The following MECOM variants were observed in gnomAD, a reference collection of about 807,000 sequenced individuals.
MECOM encodes histone-lysine N-methyltransferase MECOM.
A neutral mutation model predicts 116.3 loss-of-function variants in MECOM; 13 were observed. The ratio of observed to expected loss-of-function variants is 0.11; its 90% confidence interval spans 0.07 to 0.18. The LOEUF is 0.18. MECOM is among the 10% of genes least tolerant of loss of function. The pLI is 1.00. For missense variants in MECOM, 1,299 were observed against 1,509.0 expected, an observed-to-expected ratio of 0.86 and a Z score of 2.31; for synonymous variants, 528 against 535.2, an observed-to-expected ratio of 0.99 and a Z score of 0.19.
intron 2 of MECOM, among the ~76,000 whole-genome samples, chr3:169,194,681 G>C (rs1291334073): frequency 1.3e-5 from 2 of 151,984 alleles, no homozygotes; most frequent in African/African-American, 4.8e-5. Context: ...ACTAAATGCA[G>C]TTGAGTGTTA....
chr3:169,382,232 G>C (rs767874942), intron 1 of MECOM, among the ~76,000 whole-genome samples: 3 of 152,070 alleles, frequency 2.0e-5, no homozygotes, highest in Non-Finnish European at 4.4e-5. Context: ...GGAGAGGAAG[G>C]GTCCCTTGAG....
chr3:169,319,907 A>G (rs1373508045), intron 2 of MECOM, among the ~76,000 whole-genome samples: 1 of 152,252 alleles, frequency 6.6e-6, no homozygotes, highest in Non-Finnish European at 1.5e-5. Context: ...TTTCAAATGT[A>G]TAGCATCTTA....
chr3:169,544,741 G>A (rs1760505722), intron 1 of MECOM, among the ~76,000 whole-genome samples: 1 of 152,160 alleles, frequency 6.6e-6, no homozygotes, highest in Admixed American at 6.5e-5. Flanking sequence ...GAAACTGGAA[G>A]CTATCATCTT....
At chr3:169,489,746 A>G (rs976850683) in intron 1 of MECOM, among the ~76,000 whole-genome samples, 5 of 152,232 alleles carry the variant, frequency 3.3e-5, no homozygotes, top group Admixed American at 6.5e-5. Flanking sequence ...TTAAATTTCA[A>G]ATAAATACCT....
chr3:169,388,292 A>G (rs1307527283), intron 1 of MECOM, among the ~76,000 whole-genome samples: 3 of 152,230 alleles, frequency 2.0e-5, no homozygotes, highest in Non-Finnish European at 2.9e-5. Context: ...CAGAGCAGTT[A>G]CAGAGGCTTG....
At chr3:169,316,560 A>AC (rs1193208126) in intron 2 of MECOM, among the ~76,000 whole-genome samples, 1 of 152,052 alleles carries the variant, frequency 6.6e-6, no homozygotes, top group Non-Finnish European at 1.5e-5. Flanking sequence ...AAGAAAATAT[A>AC]CTTTTTTTAA....
At chr3:169,163,167 T>C (rs1208079636) in intron 2 of MECOM, among the ~76,000 whole-genome samples, 1 of 152,196 alleles carries the variant, frequency 6.6e-6, no homozygotes, top group Non-Finnish European at 1.5e-5. Context: ...TTGTAAGTAA[T>C]TTGGCTAAGA....
chr3:169,343,819 C>T (rs550962109), intron 2 of MECOM, among the ~76,000 whole-genome samples: 37 of 152,198 alleles, frequency 2.4e-4, no homozygotes, highest in Middle Eastern at 6.8e-3. Context: ...AGATAAAATG[C>T]TTATGGTTGG....
chr3:169,118,100 T>TA (rs57229109), intron 7 of MECOM, among the ~76,000 whole-genome samples: 9,253 of 147,128 alleles, frequency 0.063, 734 homozygotes, highest in East Asian at 0.31. Flanking sequence ...CAATAATAAT[T>TA]AAAAAAAAAA....
intron 2 of MECOM, among the ~76,000 whole-genome samples, chr3:169,211,316 G>A (rs1485970768): frequency 6.6e-6 from 1 of 152,012 alleles, no homozygotes; most frequent in Admixed American, 6.6e-5. Flanking sequence ...AGATTGATTA[G>A]TAAAAAACAA....
intron 2 of MECOM, among the ~76,000 whole-genome samples, chr3:169,209,864 A>G (rs1459559966): frequency 6.6e-6 from 1 of 152,214 alleles, no homozygotes; most frequent in African/African-American, 2.4e-5. Flanking sequence ...ATTTATACCC[A>G]AAGAATATAA....
chr3:169,228,431 CATGCTTTTATAAACTACAGTTT>C (rs1199784420), intron 2 of MECOM, among the ~76,000 whole-genome samples: 3 of 152,120 alleles, frequency 2.0e-5, no homozygotes, highest in Admixed American at 1.3e-4. Flanking sequence ...GACAGATGAC[CATGCTTTTATAAACTACAGTTT>C]ATGCAAAAAC....
intron 2 of MECOM, among the ~76,000 whole-genome samples, chr3:169,370,036 A>G (rs1215317601): frequency 6.6e-6 from 1 of 151,978 alleles, no homozygotes; most frequent in African/African-American, 2.4e-5. Flanking sequence ...TTGCTTTCTC[A>G]TAAATAAATT....
intron 2 of MECOM, among the ~76,000 whole-genome samples, chr3:169,226,939 G>A (rs1328048011): frequency 6.6e-6 from 1 of 152,128 alleles, no homozygotes; most frequent in African/African-American, 2.4e-5. Flanking sequence ...ATGTTCATAG[G>A]CTATAAAAGG....
At chr3:169,406,452 T>C (rs1736704658) in intron 1 of MECOM, among the ~76,000 whole-genome samples, 1 of 152,202 alleles carries the variant, frequency 6.6e-6, no homozygotes, top group Non-Finnish European at 1.5e-5. Flanking sequence ...GCCACAAGTA[T>C]AGCTGCTTTG....
At chr3:169,439,298 A>G (rs928036801) in intron 1 of MECOM, among the ~76,000 whole-genome samples, 2 of 147,512 alleles carry the variant, frequency 1.4e-5, no homozygotes, top group Admixed American at 6.8e-5. Context: ...AAAAATATAC[A>G]TAATTAACTA....
chr3:169,433,840 C>A (rs1742180885), intron 1 of MECOM, among the ~76,000 whole-genome samples: 1 of 152,020 alleles, frequency 6.6e-6, no homozygotes, highest in Admixed American at 6.6e-5. Flanking sequence ...TAGGGTGAGA[C>A]CTTTCAAATG....
At chr3:169,575,430 A>G (rs1260685547) in intron 1 of MECOM, among the ~76,000 whole-genome samples, 4 of 152,324 alleles carry the variant, frequency 2.6e-5, no homozygotes, top group African/African-American at 9.6e-5. Context: ...CTGGCAGAGA[A>G]TGCCAGCACT....
chr3:169,369,338 C>T (rs961313435), intron 2 of MECOM, among the ~76,000 whole-genome samples: 9 of 124,322 alleles, frequency 7.2e-5, no homozygotes, highest in Non-Finnish European at 1.3e-4. Flanking sequence ...AACTTGATTG[C>T]AGCCTTTTTT....
Sources: allele counts gnomAD v4.1 joint callset (sites outside exome capture counted in the v4.1 genomes callset), GRCh38; gene constraint gnomAD v4.1.1; transcripts MANE v1.5; gene names NCBI Gene and HGNC (gene_info 2026-07-23, HGNC 2026-07-21).